Variants in SAMD12 observed in about 807,000 individuals in gnomAD.
SAMD12 encodes the protein sterile alpha motif domain-containing protein 12.
In SAMD12, 9 loss-of-function variants were observed where a neutral mutation model predicts 15.0. The observed-to-expected ratio is 0.60, with a 90% CI of 0.36 to 1.05. The LOEUF is 1.05. Ranked by LOEUF, SAMD12 falls within the 50% of genes least tolerant of loss-of-function variation. The pLI is 0.01. For missense variants in SAMD12, 230 were observed against 234.2 expected (o/e 0.98, Z 0.12); for synonymous variants, 86 against 90.1 (o/e 0.96, Z 0.25).
intron 2 of SAMD12, among the ~76,000 whole-genome samples, chr8:118,494,739 T>C (rs1348309323): frequency 3.9e-5 from 6 of 152,188 alleles, no homozygotes; most frequent in Non-Finnish European, 8.8e-5. Flanking sequence ...ACCCTTCATC[T>C]CCTTATCTTT....
chr8:118,440,278 A>C (rs1191592406), intron 2 of SAMD12, among the ~76,000 whole-genome samples: 1 of 152,170 alleles, frequency 6.6e-6, no homozygotes, highest in African/African-American at 2.4e-5. Flanking sequence ...AATTACATTA[A>C]AGGGGAGACA....
chr8:118,158,006 C>A, the SAMD12 span, among the ~76,000 whole-genome samples: 5,096 of 152,160 alleles, frequency 0.033, 264 homozygotes, highest in African/African-American at 0.11. Flanking sequence ...TCAGGTGGAT[C>A]CCAGTGGTCT....
the SAMD12 span, among the ~76,000 whole-genome samples, chr8:118,149,342 T>C: frequency 6.6e-6 from 1 of 152,228 alleles, no homozygotes; most frequent in Non-Finnish European, 1.5e-5. Flanking sequence ...TTCTGGTAGA[T>C]GTGAAGTGAT....
intron 4 of SAMD12, among the ~76,000 whole-genome samples, chr8:118,352,200 G>A (rs1445651864): frequency 6.6e-6 from 1 of 152,170 alleles, no homozygotes; most frequent in African/African-American, 2.4e-5. Flanking sequence ...ACTAATAATT[G>A]GGTAGCAGCT....
At chr8:118,495,055 G>A (rs1020090789) in intron 2 of SAMD12, among the ~76,000 whole-genome samples, 2 of 152,262 alleles carry the variant, frequency 1.3e-5, no homozygotes, top group African/African-American at 4.8e-5. Flanking sequence ...ATGAAAAAGT[G>A]CCCATAAAGT....
At chr8:118,411,662 C>G (rs1821412176) in intron 3 of SAMD12, among the ~76,000 whole-genome samples, 1 of 152,034 alleles carries the variant, frequency 6.6e-6, no homozygotes, top group Admixed American at 6.5e-5. Flanking sequence ...AGAGTGAATT[C>G]CAATAAGATT....
At chr8:118,258,725 C>A (rs1271688298) in intron 4 of SAMD12, among the ~76,000 whole-genome samples, 2 of 152,094 alleles carry the variant, frequency 1.3e-5, no homozygotes, top group Admixed American at 6.6e-5. Context: ...GAACTATTAT[C>A]AGACGTTCCA....
At chr8:118,407,346 T>A (rs758082701) in intron 3 of SAMD12, among the ~76,000 whole-genome samples, 11 of 152,178 alleles carry the variant, frequency 7.2e-5, no homozygotes, top group Admixed American at 1.3e-4. Context: ...TGTTTTTCAA[T>A]AGTCGCCATC....
Position 118,586,782 on chromosome 8 carries a change from T to C in SAMD12, c.14-5889A>G, listed in dbSNP as rs1264691821. 7.9e-5 allele frequency among the ~76,000 whole-genome samples: 12 copies of C among 152,312 alleles called. No homozygotes were observed. The South Asian group carries it at 2.3e-3, about 29-fold the overall frequency. On this transcript the variant is annotated intron_variant, in intron 1 of 3. Coordinates refer to ENST00000314727, the MANE Select transcript of SAMD12 (RefSeq NM_207506.3). ...TGCTGAGCTTTACAAATGTAGTGTG[T>C]AGCCACATAACTACCTTACAGTAGG...
intron 4 of SAMD12, among the ~76,000 whole-genome samples, chr8:118,229,663 G>T (rs2129914592): frequency 6.6e-6 from 1 of 152,320 alleles, no homozygotes; most frequent in South Asian, 2.1e-4. Flanking sequence ...ATGAGTTAAT[G>T]TGGGCTGGGC....
At chr8:118,395,645 C>T (rs1820519285) in intron 3 of SAMD12, among the ~76,000 whole-genome samples, 1 of 152,116 alleles carries the variant, frequency 6.6e-6, no homozygotes, top group Non-Finnish European at 1.5e-5. Flanking sequence ...CAATAAGACT[C>T]TTTCTATAAT....
intron 1 of SAMD12, among the ~76,000 whole-genome samples, chr8:118,581,468 G>T (rs974651493): frequency 4.6e-5 from 7 of 152,222 alleles, no homozygotes; most frequent in African/African-American, 1.7e-4. Flanking sequence ...GCAAACAAAA[G>T]GACTGGTGAT....
At chr8:118,156,884 T>C in the SAMD12 span, among the ~76,000 whole-genome samples, 20 of 142,814 alleles carry the variant, frequency 1.4e-4, no homozygotes, top group African/African-American at 5.0e-4. Flanking sequence ...ATATTTGACA[T>C]GAGTAAGTGA....
At chr8:118,561,432 TAA>T (rs1210445485) in intron 2 of SAMD12, among the ~76,000 whole-genome samples, 1 of 152,226 alleles carries the variant, frequency 6.6e-6, no homozygotes, top group Non-Finnish European at 1.5e-5. Flanking sequence ...CATGCAATAA[TAA>T]AGACATACCT....
At chr8:118,180,080 G>A in the SAMD12 span, among the ~76,000 whole-genome samples, 4 of 152,326 alleles carry the variant, frequency 2.6e-5, no homozygotes, top group Admixed American at 6.5e-5. Flanking sequence ...CCCAGTAGAC[G>A]GGGCTGAACT....
chr8:118,393,403 T>TA (rs55991495), intron 3 of SAMD12, among the ~76,000 whole-genome samples: 11 of 148,158 alleles, frequency 7.4e-5, no homozygotes, highest in African/African-American at 1.7e-4. Context: ...TATATATATA[T>TA]TTTGATTTTT....
chr8:118,583,648 G>C (rs747668458), intron 1 of SAMD12, among the ~76,000 whole-genome samples: 8 of 151,716 alleles, frequency 5.3e-5, no homozygotes, highest in Non-Finnish European at 1.0e-4. Flanking sequence ...CCACCACCTA[G>C]AAATGCTGGT....
At chr8:118,570,897 AGAG>A (rs1402369234) in intron 2 of SAMD12, among the ~76,000 whole-genome samples, 1 of 152,160 alleles carries the variant, frequency 6.6e-6, no homozygotes, top group Non-Finnish European at 1.5e-5. Context: ...GGTTTCAAAA[AGAG>A]GAGTTCCCCT....
At chr8:118,229,712 C>T (rs1036626360) in intron 4 of SAMD12, among the ~76,000 whole-genome samples, 4 of 152,150 alleles carry the variant, frequency 2.6e-5, no homozygotes, top group African/African-American at 9.7e-5. Flanking sequence ...GAAAAGCATT[C>T]AGGAAACAAA....
Sources: gnomAD v4.1 joint callset for allele counts (sites outside exome capture counted in the v4.1 genomes callset) on GRCh38, gnomAD v4.1.1 for gene constraint, MANE v1.5 for transcripts, NCBI Gene and HGNC (gene_info 2026-07-23, HGNC 2026-07-21) for gene names.